The following ADAMTSL1 variants were observed in gnomAD, a reference collection of about 807,000 sequenced individuals.
ADAMTSL1 encodes the protein ADAMTS-like protein 1.
A neutral mutation model predicts 201.8 loss-of-function variants in ADAMTSL1; 126 were observed. The observed-to-expected ratio is 0.62, with a 90% CI of 0.54 to 0.72. The LOEUF is 0.72. Among genes scored for constraint, ADAMTSL1 ranks in the 30% least tolerant of loss-of-function variants. The pLI is 0.00. For missense variants in ADAMTSL1, 2,679 were observed against 2,277.8 expected, an observed-to-expected ratio of 1.18 and a Z score of -3.59; for synonymous variants, 1,121 against 903.4, an observed-to-expected ratio of 1.24 and a Z score of -4.32.
At chr9:18,163,678 A>C (rs777149847) in intron 1 of ADAMTSL1, among the ~76,000 whole-genome samples, 3 of 152,016 alleles carry the variant, frequency 2.0e-5, no homozygotes, top group Non-Finnish European at 4.4e-5. Context: ...CCTGGTATCC[A>C]TTGGAGGAGC....
At chr9:18,558,241 T>C (rs146463560) in intron 3 of ADAMTSL1, among the ~76,000 whole-genome samples, 1 of 152,152 alleles carries the variant, frequency 6.6e-6, no homozygotes, top group Non-Finnish European at 1.5e-5. Context: ...CTCCAACTTA[T>C]GAGTGAGAAC....
intron 2 of ADAMTSL1, among the ~76,000 whole-genome samples, chr9:18,212,885 T>A (rs1040346962): frequency 6.6e-6 from 1 of 152,136 alleles, no homozygotes; most frequent in African/African-American, 2.4e-5. Context: ...TTGTAAAGAT[T>A]TGGGAGAGAA....
chr9:17,962,432 G>A (rs939108209), intron 1 of ADAMTSL1, among the ~76,000 whole-genome samples: 8 of 152,180 alleles, frequency 5.3e-5, no homozygotes, highest in Non-Finnish European at 8.8e-5. Context: ...CCTAGTTAGA[G>A]TGGATTTTCT....
chr9:18,845,810 C>G (rs1037534364), intron 23 of ADAMTSL1, among the ~76,000 whole-genome samples: 4 of 152,186 alleles, frequency 2.6e-5, no homozygotes, highest in Admixed American at 2.6e-4. Context: ...AATATAATAT[C>G]ACGCTGGTAT....
chr9:18,469,248 A>G (rs1821116564), upstream of ADAMTSL1, among the ~76,000 whole-genome samples: 1 of 152,148 alleles, frequency 6.6e-6, no homozygotes, highest in Non-Finnish European at 1.5e-5. Flanking sequence ...TTGCTTTACA[A>G]AGAGTCAGTA....
intron 20 of ADAMTSL1, among the ~76,000 whole-genome samples, chr9:18,814,313 C>T (rs943018119): frequency 3.9e-5 from 6 of 152,150 alleles, no homozygotes; most frequent in Admixed American, 2.6e-4. Flanking sequence ...TTTTTATATA[C>T]ATGTTCTTCA....
intron 1 of ADAMTSL1, among the ~76,000 whole-genome samples, chr9:18,045,985 A>G (rs1173635871): frequency 6.6e-6 from 1 of 152,200 alleles, no homozygotes; most frequent in African/African-American, 2.4e-5. Context: ...TAAAATATAA[A>G]GTACTGGTTT....
At chr9:18,285,594 TTC>T (rs1002371314) in intron 2 of ADAMTSL1, among the ~76,000 whole-genome samples, 1 of 152,146 alleles carries the variant, frequency 6.6e-6, no homozygotes, top group African/African-American at 2.4e-5. Context: ...ATTTTCTTTT[TTC>T]TTTTTTTAAA....
intron 2 of ADAMTSL1, among the ~76,000 whole-genome samples, chr9:18,370,319 G>GGA (rs1417621240): frequency 7.9e-5 from 12 of 151,728 alleles, no homozygotes; most frequent in African/African-American, 2.7e-4. Flanking sequence ...CCAAAGGGGA[G>GGA]GAGAATGGAT....
intron 1 of ADAMTSL1, among the ~76,000 whole-genome samples, chr9:17,983,202 C>T (rs1171698768): frequency 6.6e-6 from 1 of 151,884 alleles, no homozygotes; most frequent in African/African-American, 2.4e-5. Flanking sequence ...TCCCGAGCAG[C>T]TGGGACTACA....
chr9:17,992,205 T>C (rs1053552497), intron 1 of ADAMTSL1, among the ~76,000 whole-genome samples: 13 of 152,230 alleles, frequency 8.5e-5, no homozygotes, highest in African/African-American at 2.4e-4. Context: ...CAGGTTCATG[T>C]GGAGAGGTTG....
intron 1 of ADAMTSL1, among the ~76,000 whole-genome samples, chr9:17,931,710 G>C (rs1185160388): frequency 1.3e-5 from 2 of 152,182 alleles, no homozygotes; most frequent in Middle Eastern, 3.4e-3. Flanking sequence ...TCAGAAAGTT[G>C]TGGCAGCTGT....
At chr9:18,277,933 C>G (rs1227040098) in intron 2 of ADAMTSL1, among the ~76,000 whole-genome samples, 1 of 151,750 alleles carries the variant, frequency 6.6e-6, no homozygotes. Context: ...GGTTTAATTT[C>G]TTTATCTTTT....
At chr9:18,667,955 CA>C (rs1292032956) in intron 9 of ADAMTSL1, among the ~76,000 whole-genome samples, 1 of 151,874 alleles carries the variant, frequency 6.6e-6, no homozygotes, top group Non-Finnish European at 1.5e-5. Context: ...TCTCAGTTCA[CA>C]AGTGTCTGAT....
chr9:18,271,715 G>T (rs1395577509), intron 2 of ADAMTSL1, among the ~76,000 whole-genome samples: 1 of 152,120 alleles, frequency 6.6e-6, no homozygotes, highest in Non-Finnish European at 1.5e-5. Flanking sequence ...TGGGTCAAAT[G>T]GTATTTCTAG....
intron 1 of ADAMTSL1, among the ~76,000 whole-genome samples, chr9:18,146,644 A>C (rs1229129722): frequency 6.6e-6 from 1 of 152,156 alleles, no homozygotes; most frequent in Non-Finnish European, 1.5e-5. Flanking sequence ...GATACATTAC[A>C]CTAAGCAACA....
At chr9:18,459,657 A>C (rs1485347942) in intron 2 of ADAMTSL1, among the ~76,000 whole-genome samples, 1 of 152,196 alleles carries the variant, frequency 6.6e-6, no homozygotes, top group African/African-American at 2.4e-5. Flanking sequence ...AAAGTATTGA[A>C]CATTGAGCAG....
chr9:18,324,679 A>C (rs1156800080), intron 2 of ADAMTSL1, among the ~76,000 whole-genome samples: 1 of 151,512 alleles, frequency 6.6e-6, no homozygotes, highest in African/African-American at 2.4e-5. Context: ...CAGGAGAATC[A>C]CTTGAACCCG....
chr9:18,511,139 CT>C (rs1234280166), intron 2 of ADAMTSL1, among the ~76,000 whole-genome samples: 2 of 152,126 alleles, frequency 1.3e-5, no homozygotes, highest in Admixed American at 1.3e-4. Flanking sequence ...AGTTAGATAG[CT>C]GGCTGCTCTT....
Sources: allele counts gnomAD v4.1 joint callset (sites outside exome capture counted in the v4.1 genomes callset), GRCh38; gene constraint gnomAD v4.1.1; transcripts MANE v1.5; gene names NCBI Gene and HGNC (gene_info 2026-07-23, HGNC 2026-07-21).